The following CENPQ variants were observed in gnomAD, a reference collection of about 807,000 sequenced individuals.
The protein encoded by CENPQ is chromosome 6 open reading frame 139.
Under a neutral mutation model 36.6 loss-of-function variants are expected in CENPQ, and 27 were observed. The ratio of observed to expected loss-of-function variants is 0.74; its 90% CI spans 0.54 to 1.02. The LOEUF is 1.02. Among genes scored for constraint, CENPQ ranks in the 50% least tolerant of loss-of-function variants. CENPQ has a pLI of 0.00. For missense variants in CENPQ, 306 were observed against 301.8 expected, an observed-to-expected ratio of 1.01 and a Z score of -0.10; for synonymous variants, 101 against 101.7, an observed-to-expected ratio of 0.99 and a Z score of 0.04.
chr6:49,470,991 A>G lies in CENPQ; in HGVS notation c.120A>G (p.Lys40=). Residue 40 remains lysine (K), a synonymous_variant, in exon 3 of 9, where the codon AAA becomes AAG. Transcript: ENST00000335783. ...CCCTCTAGGTTAGAAACACAGTGAAAAAAAATAAAAATCATCTGAAAGATC... is the reference window on the plus strand; with the variant it reads ...CCCTCTAGGTTAGAAACACAGTGAAGAAAAATAAAAATCATCTGAAAGATC... The part of the protein sequence containing the change: ...LSENKVRNTV[K]KNKNHLKDLS... 1 of 1,533,496 alleles carries G rather than the reference A, an allele frequency of 6.5e-7. No homozygotes were observed. Among genetic ancestry groups the G allele is most frequent in the African/African-American group, 1.4e-5 (1 of 72,948 alleles). 95.0% of individuals were successfully genotyped at this position (1,533,496 alleles called of 1,614,324 possible).
rs145806985 is a variant in CENPQ at position 49,479,358 on chromosome 6, C to T, written c.348-1593C>T. Among the ~76,000 whole-genome samples the T allele has an allele frequency of 1.5e-3, 224 of 152,052 alleles. 2 individuals are homozygous for T. Among genetic ancestry groups the T allele is most frequent in the Admixed American group, 7.8e-3 (119 of 15,252 alleles). On this transcript the variant is annotated intron_variant, in intron 5 of 8. Coordinates refer to ENST00000335783, the MANE Select transcript of CENPQ (RefSeq NM_018132.4). ...CACTTTTCAAAAGAAAACATACATG[C>T]GGCCAACAAACATGAAAAAAATGCT...
rs758037194 is a variant in CENPQ at position 49,472,063 on chromosome 6, GACAA to G, written c.164_167del (p.Thr55SerfsTer5). 6.8e-6 allele frequency: 11 copies of G among 1,610,200 alleles called. No homozygotes were observed. In the Admixed American group the frequency reaches 8.4e-5, roughly 12 times the overall value. On this transcript the variant is annotated frameshift_variant and splice_region_variant, in exon 4 of 9. Coordinates refer to ENST00000335783, the MANE Select transcript of CENPQ (RefSeq NM_018132.4). LOFTEE classifies it high-confidence loss of function. ...GAGCCTCTTCTATTACTAACGACAG[GACAA>G]ACAAAGCACACTAACCTAAAACACG...
chr6:49,469,267 A>G (rs777986865), intron 1 of CENPQ, among the ~76,000 whole-genome samples: 1 of 152,226 alleles, frequency 6.6e-6, no homozygotes, highest in African/African-American at 2.4e-5. Flanking sequence ...TGTTTAGAAA[A>G]TAAATGATGA....
intron 5 of CENPQ, 62 bp from the exon 6 acceptor site, chr6:49,480,889 G>C: frequency 8.1e-7 from 1 of 1,241,278 alleles, no homozygotes; most frequent in African/African-American, 1.5e-5. Flanking sequence ...AATGAGGACT[G>C]TTTTAAAATA....
chr6:49,474,380 A>G (rs1264580880), intron 5 of CENPQ, among the ~76,000 whole-genome samples: 2 of 152,156 alleles, frequency 1.3e-5, no homozygotes, highest in Admixed American at 6.5e-5. Flanking sequence ...AAACCACTCA[A>G]CTACATGGAA....
chr6:49,489,261 T>G (rs1360441080), intron 8 of CENPQ, among the ~76,000 whole-genome samples: 4 of 152,218 alleles, frequency 2.6e-5, no homozygotes, highest in Non-Finnish European at 5.9e-5. Flanking sequence ...ATATTTCAAC[T>G]ATGTTCATAA....
intron 1 of CENPQ, among the ~76,000 whole-genome samples, chr6:49,467,539 A>C (rs781184756): frequency 8.5e-5 from 13 of 152,234 alleles, no homozygotes; most frequent in Non-Finnish European, 1.6e-4. Flanking sequence ...ATGATATGGC[A>C]AAGACAAGGC....
intron 6 of CENPQ, among the ~76,000 whole-genome samples, chr6:49,484,040 A>G (rs1768521179): frequency 6.6e-6 from 1 of 152,248 alleles, no homozygotes; most frequent in Non-Finnish European, 1.5e-5. Flanking sequence ...TTTAATTATC[A>G]ATTTAGAGGA....
At chr6:49,487,063 G>A (rs552357387) in intron 6 of CENPQ, among the ~76,000 whole-genome samples, 2 of 62,978 alleles carry the variant, frequency 3.2e-5, no homozygotes, top group Admixed American at 1.4e-4. Flanking sequence ...TGAGGCATGA[G>A]AATCACTTGA....
chr6:49,479,546 G>T (rs1370630191), intron 5 of CENPQ, among the ~76,000 whole-genome samples: 2 of 152,172 alleles, frequency 1.3e-5, no homozygotes, highest in Non-Finnish European at 2.9e-5. Context: ...ATGTAAATTA[G>T]TTCAACCATT....
chr6:49,491,976 G>C (rs1768730513), intron 8 of CENPQ, among the ~76,000 whole-genome samples, 168 bp from the exon 9 acceptor site: 1 of 152,170 alleles, frequency 6.6e-6, no homozygotes, highest in Admixed American at 6.5e-5. Context: ...AAAGGAGCAG[G>C]ATGGGGAGAG....
At chr6:49,491,933 C>G (rs564910262) in intron 8 of CENPQ, among the ~76,000 whole-genome samples, 1 of 152,006 alleles carries the variant, frequency 6.6e-6, no homozygotes, top group African/African-American at 2.4e-5. Flanking sequence ...CAAAAACAAA[C>G]AAACAAACAA....
chr6:49,483,857 G>A (rs964371014), intron 6 of CENPQ, among the ~76,000 whole-genome samples: 1 of 152,242 alleles, frequency 6.6e-6, no homozygotes, highest in African/African-American at 2.4e-5. Context: ...CCCAGAAAGG[G>A]GCTCCCACAG....
At chr6:49,480,164 TG>T (rs1373721510) in intron 5 of CENPQ, among the ~76,000 whole-genome samples, 1 of 152,190 alleles carries the variant, frequency 6.6e-6, no homozygotes, top group African/African-American at 2.4e-5. Context: ...GTTCCACTAT[TG>T]TTCAGATTTC....
intron 5 of CENPQ, among the ~76,000 whole-genome samples, chr6:49,474,421 G>T (rs1768223294): frequency 6.6e-6 from 1 of 151,944 alleles, no homozygotes; most frequent in Admixed American, 6.6e-5. Context: ...ATGACTACTG[G>T]GTACATAACG....
At chr6:49,492,099 A>G (rs985212297) in intron 8 of CENPQ, 45 bp from the exon 9 acceptor site, 1 of 1,476,050 alleles carries the variant, frequency 6.8e-7, no homozygotes, top group Non-Finnish European at 9.3e-7. Context: ...GAGATTTCTC[A>G]TAATAAAATG....
chr6:49,470,021 T>C, intron 1 of CENPQ, 138 bp from the exon 2 acceptor site: 4 of 507,688 alleles, frequency 7.9e-6, no homozygotes, highest in Non-Finnish European at 1.0e-5. Context: ...CCCAAACTTT[T>C]ATTATGATTT....
At chr6:49,464,184 C>G (rs1218802019) in intron 1 of CENPQ, among the ~76,000 whole-genome samples, 1 of 152,120 alleles carries the variant, frequency 6.6e-6, no homozygotes. Flanking sequence ...AAGCCTGTCA[C>G]ACGATTTTTT....
chr6:49,480,351 T>G (rs909183526), intron 5 of CENPQ, among the ~76,000 whole-genome samples: 6 of 152,224 alleles, frequency 3.9e-5, no homozygotes, highest in African/African-American at 1.4e-4. Flanking sequence ...AACTCAAATT[T>G]GTAAAAGAAT....
Sources: gnomAD v4.1 joint callset for allele counts (sites outside exome capture counted in the v4.1 genomes callset) on GRCh38, gnomAD v4.1.1 for gene constraint, MANE v1.5 for transcripts, NCBI Gene and HGNC (gene_info 2026-07-23, HGNC 2026-07-21) for gene names.